The following BCOR variants were observed in gnomAD, a reference collection of about 807,000 sequenced individuals.
BCOR encodes BCL-6 corepressor.
A neutral mutation model predicts 86.7 loss-of-function variants in BCOR; 10 were observed. The ratio of observed to expected loss-of-function variants is 0.12; its 90% CI spans 0.07 to 0.20. BCOR has a LOEUF of 0.20. Ranked by LOEUF, BCOR falls within the 10% of genes least tolerant of loss-of-function variation. The probability of loss-of-function intolerance (pLI) is 1.00; values close to 1 mark genes in which losing one functional copy is unlikely to be tolerated. For synonymous variants in BCOR, 611 were observed against 609.0 expected (o/e 1.00, Z -0.05); for missense variants, 1,259 against 1,452.1 (o/e 0.87, Z 2.16).
chrX:40,080,979 A>ACG (rs1207681566), intron 1 of BCOR, among the ~76,000 whole-genome samples: 5 of 28,839 alleles, frequency 1.7e-4, no homozygotes, highest in African/African-American at 3.2e-4. Flanking sequence ...ACACGCGCAC[A>ACG]CACACACGCG....
At chrX:40,175,357 A>G (rs1016187521) in intron 1 of BCOR, among the ~76,000 whole-genome samples, 1 of 113,070 alleles carries the variant, frequency 8.8e-6, no homozygotes, top group African/African-American at 3.2e-5. Context: ...GCGGCCGCCC[A>G]GCGCCCGCGC....
chrX:40,074,841 C>T lies in BCOR; in HGVS notation c.505G>A (p.Asp169Asn), dbSNP rs1935711566. The T allele has an allele frequency of 1.7e-6, 2 of 1,209,737 alleles. No individual in the cohort carries two copies. Among genetic ancestry groups the T allele is most frequent in the East Asian group, 5.9e-5 (2 of 33,747 alleles). ...CTCTGTTTGTCGCTGGCAGGCCTGTCCAAGCCCAGCGCTTCTGCTGTGGCT... is the reference window on the plus strand; with the variant it reads ...CTCTGTTTGTCGCTGGCAGGCCTGTTCAAGCCCAGCGCTTCTGCTGTGGCT... ...AVATAEALGL[D>N]RPASDKQSPL... Residue 169 changes from aspartate to asparagine, a missense_variant, in exon 4 of 15, where the codon GAC becomes AAC. Asp to Asn is a conservative substitution (Grantham distance 23). Coordinates refer to ENST00000378444, the MANE Select transcript of BCOR (RefSeq NM_001123385.2).
In BCOR at chrX:40,062,238, GGTC is replaced by G; in HGVS notation, c.4326_4328del (p.Glu1442_Thr1443delinsAsp). ...CCGGCGGCATAGGGCGAGACTGGGT[GGTC>G]TCCTGAGGGGAACTTGAGCATGGCA... is the stretch of plus-strand genomic sequence containing the variant. On this transcript the variant is annotated inframe_deletion, in exon 10 of 15. Coordinates refer to ENST00000378444, the MANE Select transcript of BCOR (RefSeq NM_001123385.2). 1 of 1,211,073 alleles carries G rather than the reference GGTC, an allele frequency of 8.3e-7. No individual in the cohort carries two copies. Among genetic ancestry groups the G allele is most frequent in the Non-Finnish European group, 1.1e-6 (1 of 895,211 alleles).
At chrX:40,157,667 T>C (rs1938326090) in intron 1 of BCOR, among the ~76,000 whole-genome samples, 1 of 112,049 alleles carries the variant, frequency 8.9e-6, no homozygotes, top group Non-Finnish European at 1.9e-5. Context: ...GTTTCTACCA[T>C]TGTGATTCTA....
At chrX:40,133,578 G>A (rs1432065878) in intron 1 of BCOR, among the ~76,000 whole-genome samples, 2 of 110,615 alleles carry the variant, frequency 1.8e-5, no homozygotes, top group Non-Finnish European at 1.9e-5. Context: ...TCTTGCCTCA[G>A]CCTGCCGCAT....
chrX:40,146,873 A>T (rs754557617), intron 1 of BCOR, among the ~76,000 whole-genome samples: 17 of 112,124 alleles, frequency 1.5e-4, no homozygotes, highest in African/African-American at 4.9e-4. Context: ...TCCCCGACGC[A>T]GACACCGCTG....
chrX:40,110,568 C>T (rs896308500), intron 1 of BCOR, among the ~76,000 whole-genome samples: 1 of 107,942 alleles, frequency 9.3e-6, no homozygotes, highest in Non-Finnish European at 1.9e-5. Context: ...TCTGAGCACA[C>T]TTCACCAGCA....
At chrX:40,158,166 T>C (rs1321799909) in intron 1 of BCOR, among the ~76,000 whole-genome samples, 1 of 111,961 alleles carries the variant, frequency 8.9e-6, no homozygotes, top group African/African-American at 3.3e-5. Flanking sequence ...CCCGTCCAGG[T>C]AGGGCTCCGG....
chrX:40,155,004 T>G (rs1262528273), intron 1 of BCOR, among the ~76,000 whole-genome samples: 3 of 109,322 alleles, frequency 2.7e-5, no homozygotes, highest in Non-Finnish European at 5.8e-5. Context: ...CCTCTCCGCC[T>G]GCCCGAGCGC....
chrX:40,135,187 C>T (rs1937653968), intron 1 of BCOR, among the ~76,000 whole-genome samples: 1 of 111,085 alleles, frequency 9.0e-6, no homozygotes, highest in Admixed American at 9.6e-5. Context: ...TCCTGCACAG[C>T]CTGCGAGACT....
intron 1 of BCOR, among the ~76,000 whole-genome samples, chrX:40,104,276 G>T (rs1486123237): frequency 9.0e-6 from 1 of 111,548 alleles, no homozygotes; most frequent in Non-Finnish European, 1.9e-5. Context: ...ATGTCAACAT[G>T]AAGTGGTTGT....
At chrX:40,125,939 C>T (rs181081999) in intron 1 of BCOR, among the ~76,000 whole-genome samples, 459 of 111,029 alleles carry the variant, frequency 4.1e-3, no homozygotes, top group Non-Finnish European at 7.0e-3. Context: ...CGGCCAGGCG[C>T]GGTGGCTCAC....
intron 1 of BCOR, among the ~76,000 whole-genome samples, chrX:40,150,769 G>A (rs1427373401): frequency 8.9e-6 from 1 of 111,769 alleles, no homozygotes; most frequent in Non-Finnish European, 1.9e-5. Flanking sequence ...ATTGGGCCCT[G>A]AGCCTGTGAA....
At chrX:40,058,602 G>T (rs1213168677) in intron 10 of BCOR, among the ~76,000 whole-genome samples, 2 of 112,223 alleles carry the variant, frequency 1.8e-5, no homozygotes, top group African/African-American at 6.5e-5. Context: ...TCACTCACTT[G>T]AACACTAACT....
intron 1 of BCOR, among the ~76,000 whole-genome samples, chrX:40,154,154 C>T (rs940604056): frequency 2.7e-5 from 3 of 112,444 alleles, no homozygotes; most frequent in Admixed American, 9.3e-5. Flanking sequence ...AAAAATCCCC[C>T]GGCTTTCATG....
rs374956974 is a variant in BCOR at position 40,075,084 on chromosome X, T to C, written c.262A>G (p.Ile88Val). 1.8e-5 allele frequency: 22 copies of C among 1,205,995 alleles called. No individual in the cohort carries two copies. In the African/African-American group the frequency reaches 2.6e-4, roughly 15 times the overall value. The change falls in exon 4 of 15, where the codon ATC (isoleucine) becomes GTC (valine). Residue 88 changes from isoleucine (I) to valine (V), a missense_variant. By Grantham distance (29) the Ile-to-Val change is conservative. Around this residue, in one of 7 missense-constraint regions of BCOR, gnomAD observed 174 missense variants for 189.3 expected, o/e 0.92. Coordinates refer to ENST00000378444, the MANE Select transcript of BCOR (RefSeq NM_001123385.2). ...IREGLRVPGN[I>V]VYSSLCGLGS... Reference sequence around the variant, plus strand: ...AGTCCACACAAGCTAGAATAGACGATGTTTCCCGGGACCCGCAGCCCTTCC... The same window carrying C: ...AGTCCACACAAGCTAGAATAGACGACGTTTCCCGGGACCCGCAGCCCTTCC...
intron 1 of BCOR, among the ~76,000 whole-genome samples, chrX:40,151,330 A>G (rs1938161736): frequency 8.9e-6 from 1 of 111,769 alleles, no homozygotes; most frequent in Admixed American, 9.4e-5. Context: ...CCATCACCTC[A>G]CCCTTCTGTA....
intron 1 of BCOR, among the ~76,000 whole-genome samples, chrX:40,125,491 C>T (rs924832034): frequency 1.8e-5 from 2 of 111,537 alleles, no homozygotes; most frequent in African/African-American, 6.5e-5. Flanking sequence ...GCCTCGACCT[C>T]CCAAAGTGCT....
intron 1 of BCOR, among the ~76,000 whole-genome samples, chrX:40,155,343 G>A (rs892976559): frequency 8.9e-6 from 1 of 112,604 alleles, no homozygotes; most frequent in African/African-American, 3.2e-5. Context: ...GCGACCGGGG[G>A]AGAGGGTCGG....
Sources: gnomAD v4.1 joint callset for allele counts (sites outside exome capture counted in the v4.1 genomes callset) on GRCh38, gnomAD v4.1.1 for gene constraint, gnomAD v4.1.1 regional missense constraint, MANE v1.5 for transcripts, NCBI Gene and HGNC (gene_info 2026-07-23, HGNC 2026-07-21) for gene names.